Variants in IAH1 observed in about 807,000 individuals in gnomAD.
IAH1 encodes the protein isoamyl acetate hydrolyzing esterase 1 (putative).
IAH1 carries 24 observed loss-of-function variants against 26.7 expected under a neutral mutation model. That is an observed-to-expected ratio of 0.90 (90% CI 0.65 to 1.26). IAH1 has a LOEUF of 1.26. IAH1 is among the 50% of genes most tolerant of loss of function. The pLI, the probability that IAH1 is intolerant of heterozygous loss-of-function variation, is 0.00. For synonymous variants in IAH1, 140 were observed against 118.5 expected (o/e 1.18, Z -1.18); for missense variants, 300 against 299.9 (o/e 1.00, Z 0.00).
At chr2:9,475,152 A>T in intron 1 of IAH1, 1 of 1,286,096 alleles carries the variant, frequency 7.8e-7, no homozygotes, top group Non-Finnish European at 1.0e-6. Context: ...AATTAGGTAG[A>T]AAAGGACCAT....
Position 9,489,723 on chromosome 2 carries a change from GGCAAA to G in IAH1, c.*1395_*1399del, listed in dbSNP as rs1661936227. ...TTTATCTCCTTTGTTTTTAGTTGAA[GGCAAA>G]AAAAAAAAAAAAAAAAAAAAACTAT... On this transcript the variant is annotated 3_prime_UTR_variant, in exon 6 of 6. Transcript: ENST00000497473. 1 of 82,260 alleles carries G rather than the reference GGCAAA, an allele frequency of 1.2e-5. No individual in the cohort carries two copies. Among genetic ancestry groups the G allele is most frequent in the Non-Finnish European group, 2.3e-5 (1 of 43,514 alleles). 5.1% of individuals were successfully genotyped at this position (82,260 alleles called of 1,614,324 possible).
downstream of IAH1, among the ~76,000 whole-genome samples, chr2:9,501,423 CTCCTCAG>C (rs1662997880): frequency 6.6e-6 from 1 of 152,148 alleles, no homozygotes; most frequent in South Asian, 2.1e-4. Context: ...CACAATGACA[CTCCTCAG>C]TACCCAGAGA....
At chr2:9,508,538 A>G in the IAH1 span, among the ~76,000 whole-genome samples, 2 of 152,190 alleles carry the variant, frequency 1.3e-5, no homozygotes, top group African/African-American at 4.8e-5. Context: ...ATTTTAGGAC[A>G]TTTCCATCCT....
Position 9,479,795 on chromosome 2 carries a change from C to CTTTTTTTTTTTTTTTT in IAH1, c.283+1445_284-1456dup, listed in dbSNP as rs5829216. 4.3e-5 allele frequency among the ~76,000 whole-genome samples: 3 copies of CTTTTTTTTTTTTTTTT among 69,870 alleles called. 1 individual carries two copies. Among genetic ancestry groups the CTTTTTTTTTTTTTTTT allele is most frequent in the Admixed American group, 4.9e-4 (2 of 4,094 alleles). 45.8% of individuals were successfully genotyped at this position (69,870 alleles called of 152,430 possible). On this transcript the variant is annotated intron_variant, in intron 3 of 5. Coordinates refer to ENST00000497473, the MANE Select transcript of IAH1 (RefSeq NM_001039613.3). ...TGTGTGCGGAGATTTCTGTGTATTGCTTTTTTTTTTTTTTTTTTTTTTTTT... is the reference window on the plus strand; with the variant it reads ...TGTGTGCGGAGATTTCTGTGTATTGCTTTTTTTTTTTTTTTTTTTTTTTTTTTTTTTTTTTTTTTTT...
At chr2:9,499,626 T>C (rs1406768100), downstream of IAH1, among the ~76,000 whole-genome samples, 1 of 152,098 alleles carries the variant, frequency 6.6e-6, no homozygotes, top group Non-Finnish European at 1.5e-5. Context: ...ATGGTCTCGA[T>C]CTCCTGATCT....
chr2:9,477,208 G>A (rs1660861998), intron 2 of IAH1, among the ~76,000 whole-genome samples: 1 of 152,184 alleles, frequency 6.6e-6, no homozygotes, highest in Non-Finnish European at 1.5e-5. Flanking sequence ...GTCAGAAAGT[G>A]TCCCCTTGTG....
downstream of IAH1, among the ~76,000 whole-genome samples, chr2:9,496,743 C>T (rs1211840345): frequency 6.6e-6 from 1 of 152,148 alleles, no homozygotes; most frequent in Admixed American, 6.5e-5. Flanking sequence ...TAGTTCCATG[C>T]CAATGTAATG....
the IAH1 span, chr2:9,506,696 G>A: frequency 6.6e-6 from 1 of 152,208 alleles, no homozygotes; most frequent in Non-Finnish European, 1.5e-5. Context: ...ATGTCTAAGG[G>A]GTCTGGTTAT....
At position 9,478,379 on chromosome 2, in the gene IAH1, A is replaced by G. The variant is rs775544977; in HGVS notation, c.283+9A>G. The G allele has an allele frequency of 9.5e-6, 15 of 1,580,464 alleles. No individual in the cohort carries two copies. The highest frequency in any genetic ancestry group is 1.2e-5 in the Non-Finnish European group (14 of 1,162,892). On this transcript the variant is annotated intron_variant, in intron 3 of 5. Coordinates refer to ENST00000497473, the MANE Select transcript of IAH1 (RefSeq NM_001039613.3). Reference sequence around the variant, plus strand: ...TGACAGTGCACTAAAAGGTAAAAGCATTTTTGATGTTCTTCTAGCTCACTT... The same window carrying G: ...TGACAGTGCACTAAAAGGTAAAAGCGTTTTTGATGTTCTTCTAGCTCACTT...
At chr2:9,479,492 TAA>T (rs1386869546) in intron 3 of IAH1, among the ~76,000 whole-genome samples, 2 of 152,222 alleles carry the variant, frequency 1.3e-5, no homozygotes, top group African/African-American at 4.8e-5. Flanking sequence ...CAGGAATAGA[TAA>T]AAGGCGAAAT....
downstream of IAH1, chr2:9,490,328 T>A: frequency 6.2e-7 from 1 of 1,614,092 alleles, no homozygotes; most frequent in Non-Finnish European, 8.5e-7. Flanking sequence ...CTCAAACCCA[T>A]CCTCGTCCAT....
chr2:9,487,175 G>A (rs929702429), intron 5 of IAH1, among the ~76,000 whole-genome samples: 1 of 152,114 alleles, frequency 6.6e-6, no homozygotes, highest in African/African-American at 2.4e-5. Flanking sequence ...CCAGGAGGTT[G>A]AGGCTGCAGT....
At chr2:9,493,782 C>A, downstream of IAH1, 1 of 1,614,048 alleles carries the variant, frequency 6.2e-7, no homozygotes, top group Non-Finnish European at 8.5e-7. Context: ...AATGAAATCC[C>A]AAAATCGTTC....
At chr2:9,485,404 A>G (rs1177814817) in intron 5 of IAH1, 1 of 152,524 alleles carries the variant, frequency 6.6e-6, no homozygotes, top group Non-Finnish European at 1.5e-5. Flanking sequence ...CTGTAATCCC[A>G]TCACTTTGGG....
At chr2:9,505,110 AT>A in the IAH1 span, 1 of 1,577,296 alleles carries the variant, frequency 6.3e-7, no homozygotes, top group African/African-American at 1.4e-5. Context: ...GTCTTCTCTT[AT>A]TTTGGACATC....
chr2:9,497,329 A>C, downstream of IAH1: 58 of 1,557,640 alleles, frequency 3.7e-5, no homozygotes, highest in Non-Finnish European at 4.3e-5. Flanking sequence ...GCTGTTTCTC[A>C]TACAAGTGAG....
At chr2:9,482,256 G>A (rs956795520) in intron 4 of IAH1, among the ~76,000 whole-genome samples, 1 of 152,094 alleles carries the variant, frequency 6.6e-6, no homozygotes, top group Non-Finnish European at 1.5e-5. Context: ...TCGAACTCCT[G>A]ACCTCAGGTA....
chr2:9,484,350 G>A lies in IAH1; in HGVS notation c.446-82G>A, dbSNP rs556162288. 34 of 1,076,874 alleles carry A rather than the reference G, an allele frequency of 3.2e-5. No homozygotes were observed. The South Asian group carries it at 4.5e-4, about 14-fold the overall frequency. The allele number at this position is 1,076,874 out of a possible 1,614,324, so 66.7% of individuals were successfully genotyped here. A position where few individuals can be genotyped will look rare whatever the true frequency, so the allele number is the denominator to read the frequency against. On this transcript the variant is annotated intron_variant, in intron 4 of 5. Coordinates refer to ENST00000497473, the MANE Select transcript of IAH1 (RefSeq NM_001039613.3). ...CAATATTTAATGGCATTTTGAAACT[G>A]TCTAGATGAGTGGAGCAGAACTTAC...
the IAH1 span, among the ~76,000 whole-genome samples, chr2:9,510,723 T>C: frequency 6.6e-6 from 1 of 150,926 alleles, no homozygotes; most frequent in Non-Finnish European, 1.5e-5. Context: ...TCCCAGCTAC[T>C]TGGGAGGCTG....
Sources: allele counts gnomAD v4.1 joint callset (sites outside exome capture counted in the v4.1 genomes callset), GRCh38; gene constraint gnomAD v4.1.1; transcripts MANE v1.5; gene names NCBI Gene and HGNC (gene_info 2026-07-23, HGNC 2026-07-21).